The following NR3C2 variants were observed in gnomAD, a reference collection of about 807,000 sequenced individuals.
NR3C2 encodes mineralocorticoid receptor.
In NR3C2, 15 loss-of-function variants were observed where a neutral mutation model predicts 86.4. The observed-to-expected ratio is 0.17, with a 90% CI of 0.12 to 0.27. The LOEUF (loss-of-function observed/expected upper bound fraction) is 0.27. Among genes scored for constraint, NR3C2 ranks in the 10% least tolerant of loss-of-function variants. NR3C2 has a pLI of 1.00. For synonymous variants in NR3C2, 458 were observed against 450.5 expected, an observed-to-expected ratio of 1.02 and a Z score of -0.21; for missense variants, 960 against 1,195.6, an observed-to-expected ratio of 0.80 and a Z score of 2.91.
chr4:148,237,268 TA>T (rs1450028592), intron 3 of NR3C2, among the ~76,000 whole-genome samples: 8 of 152,192 alleles, frequency 5.3e-5, no homozygotes, highest in African/African-American at 1.7e-4. Context: ...TTTATCACTA[TA>T]AAATATCAAC....
intron 2 of NR3C2, among the ~76,000 whole-genome samples, chr4:148,274,609 G>C (rs1740868662): frequency 2.0e-5 from 3 of 151,872 alleles, no homozygotes; most frequent in Admixed American, 1.3e-4. Flanking sequence ...TGCCATGATT[G>C]TAAGTTTCCT....
At chr4:148,216,252 G>A (rs943855633) in intron 3 of NR3C2, among the ~76,000 whole-genome samples, 4 of 151,852 alleles carry the variant, frequency 2.6e-5, no homozygotes, top group Non-Finnish European at 5.9e-5. Context: ...TTAGTTCCCA[G>A]TACAAAAATA....
chr4:148,346,788 T>C (rs1745014895), intron 2 of NR3C2, among the ~76,000 whole-genome samples: 1 of 150,174 alleles, frequency 6.7e-6, no homozygotes, highest in Admixed American at 6.7e-5. Flanking sequence ...TTCACTTTTG[T>C]AGTGTGGCTA....
At chr4:148,333,584 T>C (rs762115109) in intron 2 of NR3C2, among the ~76,000 whole-genome samples, 9 of 152,004 alleles carry the variant, frequency 5.9e-5, no homozygotes, top group Non-Finnish European at 1.2e-4. Flanking sequence ...GGACCACGAG[T>C]CTCCAAAGAT....
chr4:148,264,923 T>C (rs975779894), intron 2 of NR3C2, among the ~76,000 whole-genome samples: 2 of 152,216 alleles, frequency 1.3e-5, no homozygotes, highest in Non-Finnish European at 2.9e-5. Flanking sequence ...GCTGCTGATT[T>C]TGGTTAAAAT....
intron 2 of NR3C2, among the ~76,000 whole-genome samples, chr4:148,410,840 G>C (rs754096214): frequency 2.7e-4 from 41 of 152,086 alleles, no homozygotes; most frequent in Admixed American, 9.8e-4. Context: ...CAGTACAAGA[G>C]TATCACACAT....
chr4:148,165,925 A>G (rs1560955823), intron 4 of NR3C2, among the ~76,000 whole-genome samples: 1 of 152,272 alleles, frequency 6.6e-6, no homozygotes, highest in Non-Finnish European at 1.5e-5. Flanking sequence ...CATAGTAAGT[A>G]CATATTAATG....
rs774726733 is a variant in NR3C2, at chr4:148,373,470, C to CTTTTT, written c.1757+61629_1757+61633dup. ...TTTGCTGACTTGAACTAAAGGATGA[C>CTTTTT]TTTTTTTTTCTTTTTTTTTTTTTAG... On this transcript the variant is annotated intron_variant, in intron 2 of 8. Transcript: ENST00000358102. 8.3e-3 allele frequency among the ~76,000 whole-genome samples: 1,077 copies of CTTTTT among 129,774 alleles called. 85 individuals are homozygous for CTTTTT. Among genetic ancestry groups the CTTTTT allele is most frequent in the African/African-American group, 0.033 (1,008 of 30,952 alleles). 85.1% of individuals were successfully genotyped at this position (129,774 alleles called of 152,430 possible).
chr4:148,284,374 A>G (rs1473954378), intron 2 of NR3C2, among the ~76,000 whole-genome samples: 1 of 152,038 alleles, frequency 6.6e-6, no homozygotes, highest in Non-Finnish European at 1.5e-5. Flanking sequence ...TTAATACTCA[A>G]CACACATTTG....
intron 4 of NR3C2, among the ~76,000 whole-genome samples, chr4:148,180,938 A>G (rs1257060474): frequency 6.6e-6 from 1 of 152,084 alleles, no homozygotes; most frequent in African/African-American, 2.4e-5. Context: ...CTCTTCCCCT[A>G]GTTGCCTTCT....
chr4:148,221,857 G>T (rs1285311093), intron 3 of NR3C2, among the ~76,000 whole-genome samples: 1 of 143,016 alleles, frequency 7.0e-6, no homozygotes, highest in Non-Finnish European at 1.5e-5. Context: ...TCTCACCATT[G>T]CACTCCAGCC....
chr4:148,122,516 A>T (rs1297216585), intron 6 of NR3C2, among the ~76,000 whole-genome samples: 1 of 152,198 alleles, frequency 6.6e-6, no homozygotes, highest in Non-Finnish European at 1.5e-5. Context: ...GTTTTTAGTT[A>T]TCATGATTAC....
intron 2 of NR3C2, among the ~76,000 whole-genome samples, chr4:148,390,030 T>A (rs148155563): frequency 6.6e-6 from 1 of 151,090 alleles, no homozygotes; most frequent in Non-Finnish European, 1.5e-5. Flanking sequence ...GATAAAAGGA[T>A]AAAACATAGA....
At chr4:148,169,098 A>G (rs147670397) in intron 4 of NR3C2, among the ~76,000 whole-genome samples, 39 of 152,304 alleles carry the variant, frequency 2.6e-4, no homozygotes, top group African/African-American at 8.9e-4. Context: ...GGTGGCATAA[A>G]CATCAGTTTT....
intron 3 of NR3C2, among the ~76,000 whole-genome samples, chr4:148,248,656 C>T (rs1739431265): frequency 6.6e-6 from 1 of 152,152 alleles, no homozygotes; most frequent in Non-Finnish European, 1.5e-5. Context: ...TATTCATAAA[C>T]AATAGAGATC....
intron 2 of NR3C2, among the ~76,000 whole-genome samples, chr4:148,278,715 A>C (rs190213386): frequency 1.1e-3 from 165 of 152,288 alleles, no homozygotes; most frequent in Non-Finnish European, 1.9e-3. Context: ...TCCTTAAGAA[A>C]CTTTGGTGAC....
Position 148,138,178 on chromosome 4 carries a change from C to A in NR3C2, c.2510+14291G>T, listed in dbSNP as rs561695009. On this transcript the variant is annotated intron_variant, in intron 6 of 8. Coordinates refer to ENST00000358102, the MANE Select transcript of NR3C2 (RefSeq NM_000901.5). ...TGTAGAAGGGAATTGAAGGCTCACT[C>A]ACTCAACAACATGAAGCTCATTAAC... 2.0e-5 allele frequency among the ~76,000 whole-genome samples: 3 copies of A among 152,304 alleles called. No homozygotes were observed. In the South Asian group the frequency reaches 6.2e-4, roughly 32 times the overall value.
intron 2 of NR3C2, among the ~76,000 whole-genome samples, chr4:148,431,600 A>G (rs115007128): frequency 2.9e-4 from 44 of 152,272 alleles, no homozygotes; most frequent in African/African-American, 1.0e-3. Flanking sequence ...TGCTCAGACA[A>G]TCCATTCACT....
Position 148,232,524 on chromosome 4 carries a change from T to A in NR3C2, c.1897+27454A>T, listed in dbSNP as rs570102405. On this transcript the variant is annotated intron_variant, in intron 3 of 8. Transcript: ENST00000358102. ...GCTGTCATCTAGCTTTATTGCATCATGTATAGAGTACAGGCAGAGTAGATT... is the reference window on the plus strand; with the variant it reads ...GCTGTCATCTAGCTTTATTGCATCAAGTATAGAGTACAGGCAGAGTAGATT... Among the ~76,000 whole-genome samples the A allele has an allele frequency of 1.1e-4, 17 of 152,352 alleles. No homozygotes were observed. In the South Asian group the frequency reaches 3.5e-3, roughly 32 times the overall value.
Sources: allele counts gnomAD v4.1 joint callset (sites outside exome capture counted in the v4.1 genomes callset), GRCh38; gene constraint gnomAD v4.1.1; transcripts MANE v1.5; gene names NCBI Gene and HGNC (gene_info 2026-07-23, HGNC 2026-07-21).